Variants in CCM2L observed in about 807,000 individuals in gnomAD.
CCM2L encodes cerebral cavernous malformations 2 protein-like.
CCM2L carries 36 observed loss-of-function variants against 54.1 expected under a neutral mutation model. The observed-to-expected ratio is 0.67, with a 90% CI of 0.51 to 0.88. The LOEUF is 0.88. Among genes scored for constraint, CCM2L ranks in the 40% least tolerant of loss-of-function variants. The pLI is 0.00. For synonymous variants in CCM2L, 351 were observed against 359.3 expected (o/e 0.98, Z 0.26); for missense variants, 700 against 812.1 (o/e 0.86, Z 1.68).
At chr20:32,017,304 AC>A (rs2064748715) in intron 2 of CCM2L, among the ~76,000 whole-genome samples, 1 of 152,196 alleles carries the variant, frequency 6.6e-6, no homozygotes, top group Admixed American at 6.5e-5. Context: ...CTGCAACAAG[AC>A]CATAAGGAAG....
intron 4 of CCM2L, among the ~76,000 whole-genome samples, chr20:32,018,649 A>G (rs969787013): frequency 2.0e-5 from 3 of 151,622 alleles, no homozygotes; most frequent in Non-Finnish European, 4.4e-5. Context: ...GGACAGCCTG[A>G]CCACCACCCT....
chr20:32,011,095 T>G (rs76625259), intron 1 of CCM2L, among the ~76,000 whole-genome samples: 12,438 of 151,896 alleles, frequency 0.082, 599 homozygotes, highest in African/African-American at 0.11. Flanking sequence ...ACTTCCATCT[T>G]ACCCCCATTT....
chr20:32,028,451 A>AT (rs1555870009), intron 7 of CCM2L: 54 of 150,678 alleles, frequency 3.6e-4, no homozygotes, highest in African/African-American at 1.1e-3. Context: ...AAAAAAAAAA[A>AT]TTTTGAACAG....
chr20:32,029,263 G>A, intron 8 of CCM2L, 139 bp downstream of exon 8: 1 of 1,203,102 alleles, frequency 8.3e-7, no homozygotes, highest in African/African-American at 1.5e-5. Flanking sequence ...GGTTAGGAGA[G>A]TAAACTGAGG....
Position 32,031,352 on chromosome 20 carries a change from C to G in CCM2L, c.*38C>G, listed in dbSNP as rs2064925702. 1 of 1,237,182 alleles carries G rather than the reference C, an allele frequency of 8.1e-7. No homozygotes were observed. Among genetic ancestry groups the G allele is most frequent in the Non-Finnish European group, 1.0e-6 (1 of 964,998 alleles). The allele number at this position is 1,237,182 out of a possible 1,614,324, so 76.6% of individuals were successfully genotyped here. A position where few individuals can be genotyped will look rare whatever the true frequency, so the allele number is the denominator to read the frequency against. The stretch of plus-strand genomic sequence containing the variant: ...CGGACGGCGTGGCTCAGCAGCCCAC[C>G]TCTGAGTCTCAGCTTTGCTTCGGGG... On this transcript the variant is annotated 3_prime_UTR_variant, in exon 10 of 10. Coordinates refer to ENST00000452892, the MANE Select transcript of CCM2L (RefSeq NM_001365692.1).
At chr20:32,022,115 A>G (rs1187027198) in intron 5 of CCM2L, among the ~76,000 whole-genome samples, 1 of 152,084 alleles carries the variant, frequency 6.6e-6, no homozygotes, top group Non-Finnish European at 1.5e-5. Flanking sequence ...TGTAGTCTCA[A>G]AAAAGTTTTA....
intron 1 of CCM2L, among the ~76,000 whole-genome samples, chr20:32,013,439 G>A (rs2064710880): frequency 6.6e-6 from 1 of 151,942 alleles, no homozygotes; most frequent in Non-Finnish European, 1.5e-5. Context: ...TGGGGGGGTG[G>A]GGGTTGTTTG....
intron 8 of CCM2L, 87 bp downstream of exon 8, chr20:32,029,211 A>G: frequency 6.3e-7 from 1 of 1,575,484 alleles, no homozygotes; most frequent in Non-Finnish European, 8.7e-7. Context: ...TGCCCTGGAC[A>G]TAACCTAAGC....
intron 6 of CCM2L, among the ~76,000 whole-genome samples, chr20:32,025,007 T>C (rs2064840650): frequency 6.6e-6 from 1 of 152,222 alleles, no homozygotes; most frequent in Non-Finnish European, 1.5e-5. Context: ...TTCTTTGCTC[T>C]GAAGGTTTTC....
At chr20:32,028,792 A>C (rs1254745431) in intron 7 of CCM2L, 1 of 561,798 alleles carries the variant, frequency 1.8e-6, no homozygotes. Context: ...AAGAAGGAGA[A>C]GGGGGGTGGG....
chr20:32,018,908 A>C (rs549343031), intron 4 of CCM2L, 35 bp from the exon 5 acceptor site: 2 of 1,273,504 alleles, frequency 1.6e-6, no homozygotes, highest in Admixed American at 8.4e-5. Context: ...CTGAGTCCCG[A>C]TCCCCGCGGC....
rs139704146 is a variant in CCM2L, at chr20:32,031,239, TGACGAC to T, written c.1653_1658del (p.Asp551_Asp552del). 7 of 1,298,998 alleles carry T rather than the reference TGACGAC, an allele frequency of 5.4e-6. No homozygotes were observed. The highest frequency in any genetic ancestry group is 1.5e-5 in the African/African-American group (1 of 65,846). The allele number at this position is 1,298,998 out of a possible 1,614,324, so 80.5% of individuals were successfully genotyped here. ...ACGACATCGAGGCGCTGGCCCCCGA[TGACGAC>T]GACGACGACGAGGATGAGCCCCGGG... On this transcript the variant is annotated inframe_deletion, in exon 10 of 10. Coordinates refer to ENST00000452892, the MANE Select transcript of CCM2L (RefSeq NM_001365692.1).
chr20:32,022,492 A>G (rs558494239), intron 5 of CCM2L, among the ~76,000 whole-genome samples, 168 bp from the exon 6 acceptor site: 21 of 152,360 alleles, frequency 1.4e-4, no homozygotes, highest in Non-Finnish European at 2.1e-4. Context: ...GGGTTCTAAG[A>G]TCCAGAGAGT....
chr20:32,029,632 G>A, intron 8 of CCM2L, 68 bp from the exon 9 acceptor site: 1 of 1,534,246 alleles, frequency 6.5e-7, no homozygotes, highest in Non-Finnish European at 8.8e-7. Context: ...GAAGGCTCTG[G>A]GCCTTTCAGG....
chr20:32,015,115 A>C (rs2064730839), intron 2 of CCM2L, 44 bp downstream of exon 2: 1 of 1,443,492 alleles, frequency 6.9e-7, no homozygotes. Flanking sequence ...TGGGGTGAGG[A>C]GACCTTCACT....
At chr20:32,030,958 A>G (rs1342203402) in intron 9 of CCM2L, 43 bp from the exon 10 acceptor site, 1 of 1,294,630 alleles carries the variant, frequency 7.7e-7, no homozygotes, top group African/African-American at 1.5e-5. Flanking sequence ...TGGAAGGGAA[A>G]GGGAACGTGT....
At chr20:32,030,396 G>A (rs905304115) in intron 9 of CCM2L, among the ~76,000 whole-genome samples, 2 of 152,086 alleles carry the variant, frequency 1.3e-5, no homozygotes, top group African/African-American at 4.8e-5. Context: ...AAAACAAACT[G>A]TTTACAGAGT....
chr20:32,016,702 G>C (rs1173158704), intron 2 of CCM2L, among the ~76,000 whole-genome samples: 2 of 152,128 alleles, frequency 1.3e-5, no homozygotes, highest in African/African-American at 4.8e-5. Flanking sequence ...AATTTAACTG[G>C]CATCCTATAT....
chr20:32,018,822 C>T (rs2064766874), intron 4 of CCM2L, 121 bp from the exon 5 acceptor site: 2 of 1,150,780 alleles, frequency 1.7e-6, no homozygotes, highest in Middle Eastern at 6.9e-4. Flanking sequence ...ACTTTAAAGC[C>T]GGGGGCGAGG....
Sources: gnomAD v4.1 joint callset for allele counts (sites outside exome capture counted in the v4.1 genomes callset) on GRCh38, gnomAD v4.1.1 for gene constraint, MANE v1.5 for transcripts, NCBI Gene and HGNC (gene_info 2026-07-23, HGNC 2026-07-21) for gene names.